The following CD163L1 variants were observed in gnomAD, a reference collection of about 807,000 sequenced individuals.
CD163L1 encodes the protein scavenger receptor cysteine-rich type 1 protein M160.
CD163L1 carries 124 observed loss-of-function variants against 165.4 expected under a neutral mutation model. The ratio of observed to expected loss-of-function variants is 0.75; its 90% CI spans 0.65 to 0.87. The LOEUF is 0.87. Ranked by LOEUF, CD163L1 falls within the 40% of genes least tolerant of loss-of-function variation. CD163L1 has a pLI of 0.00. For synonymous variants in CD163L1, 585 were observed against 662.2 expected (o/e 0.88, Z 1.79); for missense variants, 1,525 against 1,799.9 (o/e 0.85, Z 2.76).
At chr12:7,380,463 T>C (rs1947377914) in intron 8 of CD163L1, among the ~76,000 whole-genome samples, 1 of 151,360 alleles carries the variant, frequency 6.6e-6, no homozygotes, top group Admixed American at 6.6e-5. Flanking sequence ...GAGGAATGAA[T>C]TAATGGCATT....
At chr12:7,329,473 C>T in the CD163L1 span, among the ~76,000 whole-genome samples, 2 of 151,264 alleles carry the variant, frequency 1.3e-5, no homozygotes, top group Admixed American at 6.6e-5. Context: ...ATACCAAAAG[C>T]AAAATACAAG....
rs962459704 is a variant in CD163L1 at position 7,372,941 on chromosome 12, T to C, written c.3730+379A>G. Among the ~76,000 whole-genome samples, 1 of 152,160 alleles carries C rather than the reference T, an allele frequency of 6.6e-6. No homozygotes were observed. The highest frequency in any genetic ancestry group is 1.5e-5 in the Non-Finnish European group (1 of 68,002). ...GTTCTGCAGGAAAAAATAGAGCTGC[T>C]TAATCTCCATAATTAATTCACATTT... On this transcript the variant is annotated intron_variant, in intron 14 of 19. Coordinates refer to ENST00000313599, the MANE Select transcript of CD163L1 (RefSeq NM_174941.6). This position sits in a 1 kb window ranked among gnomAD's most constrained non-coding sequence, Gnocchi z 4.2.
At chr12:7,350,159 T>C (rs1258162543), downstream of CD163L1, among the ~76,000 whole-genome samples, 2 of 152,170 alleles carry the variant, frequency 1.3e-5, no homozygotes, top group Non-Finnish European at 2.9e-5. Flanking sequence ...CTATCTTCAT[T>C]TGCTAAAACA....
the CD163L1 span, among the ~76,000 whole-genome samples, chr12:7,329,384 T>A: frequency 3.3e-5 from 5 of 150,630 alleles, 1 homozygote; most frequent in South Asian, 1.0e-3. Flanking sequence ...AGTTTTAGGG[T>A]ACATGTGCAC....
At chr12:7,364,305 A>G (rs1342807923) in intron 18 of CD163L1, among the ~76,000 whole-genome samples, 1 of 152,192 alleles carries the variant, frequency 6.6e-6, no homozygotes, top group African/African-American at 2.4e-5. Flanking sequence ...AATAAAGGCT[A>G]TGTATGACAA....
Position 7,378,980 on chromosome 12 carries a change from G to A in CD163L1, c.2369C>T (p.Ser790Leu), listed in dbSNP as rs374452051. Residue 790 changes from serine to leucine, a missense_variant and splice_region_variant, in exon 9 of 20, where the codon TCA becomes TTA. By Grantham distance (145) the Ser-to-Leu change is moderately radical. Transcript: ENST00000313599. ...GTTTATCTTTGTCCAGAAATTACCT[G>A]AGCAGATCAAACTTGCTTCCATATT... ...HLNMEASLIC[S>L]AHRQPRLVGA... The A allele has an allele frequency of 4.4e-6, 7 of 1,601,350 alleles. 1 individual carries two copies. In the African/African-American group the frequency reaches 9.4e-5, roughly 21 times the overall value.
downstream of CD163L1, among the ~76,000 whole-genome samples, chr12:7,344,614 G>T (rs942268084): frequency 6.6e-6 from 1 of 152,234 alleles, no homozygotes; most frequent in Non-Finnish European, 1.5e-5. Flanking sequence ...GGGAGTCTGT[G>T]TGGGACATCC....
intron 2 of CD163L1, chr12:7,438,813 C>G: frequency 1.3e-6 from 2 of 1,533,760 alleles, no homozygotes; most frequent in East Asian, 2.2e-5. Context: ...AGGCCTCTCT[C>G]TTCCCCGCTC....
At chr12:7,419,782 C>T (rs182614436) in intron 4 of CD163L1, among the ~76,000 whole-genome samples, 34 of 151,896 alleles carry the variant, frequency 2.2e-4, no homozygotes, top group Middle Eastern at 3.4e-3. Flanking sequence ...ATTTATTATA[C>T]TGCCAAAGGC....
chr12:7,347,518 G>T lies in CD163L1; in HGVS notation c.*25-371C>A, dbSNP rs1213190866. On this transcript the variant is annotated intron_variant, in intron 4 of 4. Transcript: ENST00000539726. This position sits in a 1 kb window ranked among gnomAD's most constrained non-coding sequence, Gnocchi z 4.2. ...GTCTCGGCCGGGCGCGGTGGCTCAC[G>T]CTTGTAATCCCAGCACTTTGGGAGG... is the stretch of plus-strand genomic sequence containing the variant. 1.3e-5 allele frequency among the ~76,000 whole-genome samples: 2 copies of T among 152,114 alleles called. No homozygotes were observed. Among genetic ancestry groups the T allele is most frequent in the African/African-American group, 4.8e-5 (2 of 41,414 alleles).
chr12:7,441,042 A>G (rs1272839467), intron 2 of CD163L1, 112 bp downstream of exon 2: 5 of 739,136 alleles, frequency 6.8e-6, no homozygotes, highest in Admixed American at 4.4e-5. Context: ...TGAAGGTCCA[A>G]CATTATTTTT....
At chr12:7,341,721 A>G (rs1159306817), downstream of CD163L1, among the ~76,000 whole-genome samples, 1 of 152,156 alleles carries the variant, frequency 6.6e-6, no homozygotes, top group Non-Finnish European at 1.5e-5. Context: ...GAAACGACCC[A>G]TTACTATTTG....
chr12:7,434,013 T>C (rs1442371434), intron 2 of CD163L1, among the ~76,000 whole-genome samples: 1 of 152,208 alleles, frequency 6.6e-6, no homozygotes, highest in African/African-American at 2.4e-5. Flanking sequence ...GCACGCAGAA[T>C]GAAAGAAAGT....
At chr12:7,380,335 A>ACGTATACATACATGTGTGTGTGTATACG (rs1947362662) in intron 8 of CD163L1, among the ~76,000 whole-genome samples, 2 of 112,386 alleles carry the variant, frequency 1.8e-5, no homozygotes, top group East Asian at 2.6e-4. Flanking sequence ...GTATGTATAC[A>ACGTATACATACATGTGTGTGTGTATACG]CGTATACATA....
rs1181226340 is a variant in CD163L1, at chr12:7,374,012, G to T, written c.3410-372C>A. Reference sequence around the variant, plus strand: ...GGTTCTTAGTTTCTGCTTCTGGTCAGGTTAGTAAAGACCCTTCCTCATCCC... The same window carrying T: ...GGTTCTTAGTTTCTGCTTCTGGTCATGTTAGTAAAGACCCTTCCTCATCCC... On this transcript the variant is annotated intron_variant, in intron 13 of 19. Coordinates refer to ENST00000313599, the MANE Select transcript of CD163L1 (RefSeq NM_174941.6). The surrounding 1 kb of genome is among the most constrained non-coding windows in gnomAD (Gnocchi z 5.4). Among the ~76,000 whole-genome samples the T allele has an allele frequency of 6.6e-6, 1 of 152,192 alleles. No individual in the cohort carries two copies. Among genetic ancestry groups the T allele is most frequent in the Non-Finnish European group, 1.5e-5 (1 of 68,030 alleles).
At chr12:7,338,027 A>C in the CD163L1 span, among the ~76,000 whole-genome samples, 1 of 152,204 alleles carries the variant, frequency 6.6e-6, no homozygotes, top group African/African-American at 2.4e-5. Context: ...GACATGGATG[A>C]AGCTGGAAAC....
the CD163L1 span, among the ~76,000 whole-genome samples, chr12:7,337,427 A>G: frequency 6.6e-6 from 1 of 152,176 alleles, no homozygotes; most frequent in Non-Finnish European, 1.5e-5. Context: ...CCATCTGACA[A>G]AGGGCCAATA....
chr12:7,381,857 A>G (rs1288993159), intron 8 of CD163L1, among the ~76,000 whole-genome samples: 2 of 151,948 alleles, frequency 1.3e-5, no homozygotes, highest in African/African-American at 4.8e-5. Context: ...GTAGCAACAT[A>G]TTCCACTCTG....
rs1276309751 is a variant in CD163L1, at chr12:7,372,028, T to C, written c.3730+1292A>G. 3.9e-5 allele frequency among the ~76,000 whole-genome samples: 6 copies of C among 152,032 alleles called. No individual in the cohort carries two copies. Among genetic ancestry groups the C allele is most frequent in the African/African-American group, 1.4e-4 (6 of 41,416 alleles). Reference sequence around the variant, plus strand: ...AAATTTTTTGTTTGGGGAATGATATTATTTTGTGATACAATTACAATAGTA... The same window carrying C: ...AAATTTTTTGTTTGGGGAATGATATCATTTTGTGATACAATTACAATAGTA... On this transcript the variant is annotated intron_variant, in intron 14 of 19. Coordinates refer to ENST00000313599, the MANE Select transcript of CD163L1 (RefSeq NM_174941.6). This position sits in a 1 kb window ranked among gnomAD's most constrained non-coding sequence, Gnocchi z 4.2.
Sources: gnomAD v4.1 joint callset for allele counts (sites outside exome capture counted in the v4.1 genomes callset) on GRCh38, gnomAD v4.1.1 for gene constraint, Gnocchi (gnomAD v3.1) non-coding constraint, MANE v1.5 for transcripts, NCBI Gene and HGNC (gene_info 2026-07-23, HGNC 2026-07-21) for gene names.